The following GRIN2B variants were observed in gnomAD, a reference collection of about 807,000 sequenced individuals.
GRIN2B encodes glutamate receptor ionotropic, NMDA 2B.
Under a neutral mutation model 114.5 loss-of-function variants are expected in GRIN2B, and 5 were observed. That is an observed-to-expected ratio of 0.04 (90% CI 0.02 to 0.09). The LOEUF is 0.09. Ranked by LOEUF, GRIN2B falls within the 10% of genes least tolerant of loss-of-function variation. The probability of loss-of-function intolerance (pLI) is 1.00; values close to 1 mark genes in which losing one functional copy is unlikely to be tolerated. For synonymous variants in GRIN2B, 787 were observed against 745.1 expected, an observed-to-expected ratio of 1.06 and a Z score of -0.92; for missense variants, 1,108 against 1,943.5, an observed-to-expected ratio of 0.57 and a Z score of 8.08.
At chr12:13,956,179 G>T (rs918059996) in intron 2 of GRIN2B, among the ~76,000 whole-genome samples, 2 of 152,166 alleles carry the variant, frequency 1.3e-5, no homozygotes, top group Non-Finnish European at 1.5e-5. Context: ...GGCACTAAGT[G>T]TGTCAAGTGT....
intron 10 of GRIN2B, 24 bp from the exon 11 acceptor site, chr12:13,571,988 G>C (rs202051396): frequency 1.3e-5 from 21 of 1,581,196 alleles, no homozygotes; most frequent in Non-Finnish European, 1.8e-5. Context: ...GACAGATAGA[G>C]ACAGAGCGGG....
At chr12:13,582,090 C>T (rs1351483759) in intron 10 of GRIN2B, among the ~76,000 whole-genome samples, 1 of 152,170 alleles carries the variant, frequency 6.6e-6, no homozygotes. Context: ...TAAGGTATAG[C>T]ATCTCACTAC....
At chr12:13,647,322 T>C (rs2136513088) in intron 5 of GRIN2B, among the ~76,000 whole-genome samples, 1 of 152,204 alleles carries the variant, frequency 6.6e-6, no homozygotes, top group African/African-American at 2.4e-5. Flanking sequence ...GAGCTTTTGA[T>C]AATTTGAGTA....
intron 4 of GRIN2B, among the ~76,000 whole-genome samples, chr12:13,704,300 T>C (rs1178142270): frequency 1.3e-5 from 2 of 151,714 alleles, no homozygotes; most frequent in Non-Finnish European, 2.9e-5. Context: ...AAACTCTCAA[T>C]GAGAAAGGGA....
chr12:13,730,088 T>C (rs1384496861), intron 4 of GRIN2B, among the ~76,000 whole-genome samples: 1 of 151,118 alleles, frequency 6.6e-6, no homozygotes, highest in African/African-American at 2.4e-5. Context: ...TCGTGAAGCA[T>C]CCCCAGGCCA....
chr12:13,595,687 C>T (rs982298872), intron 10 of GRIN2B, among the ~76,000 whole-genome samples: 1 of 152,136 alleles, frequency 6.6e-6, no homozygotes, highest in East Asian at 1.9e-4. Context: ...AGCAGCCTCT[C>T]CTCATTAGCA....
chr12:13,943,966 C>A (rs558584213), intron 2 of GRIN2B, among the ~76,000 whole-genome samples: 1 of 152,146 alleles, frequency 6.6e-6, no homozygotes. Context: ...ACATAGTAGA[C>A]GCTCAATAAG....
At chr12:13,859,259 C>A (rs528448213) in intron 3 of GRIN2B, among the ~76,000 whole-genome samples, 4 of 152,272 alleles carry the variant, frequency 2.6e-5, no homozygotes, top group African/African-American at 9.6e-5. Flanking sequence ...TTTTAGACAC[C>A]ATCACGTCCC....
chr12:13,566,903 T>C, intron 13 of GRIN2B, 122 bp downstream of exon 13: 1 of 762,732 alleles, frequency 1.3e-6, no homozygotes, highest in Non-Finnish European at 2.4e-6. Context: ...ACATACATGA[T>C]GTGGTTTCTT....
chr12:13,855,354 G>A (rs1031402843), intron 3 of GRIN2B, among the ~76,000 whole-genome samples: 4 of 152,220 alleles, frequency 2.6e-5, no homozygotes, highest in Admixed American at 6.5e-5. Context: ...CACACAGTAA[G>A]TGGTGATAGA....
rs187082467 is a variant in GRIN2B, at chr12:13,796,401, G to A, written c.412-42486C>T. On this transcript the variant is annotated intron_variant, in intron 3 of 13. Coordinates refer to ENST00000609686, the MANE Select transcript of GRIN2B (RefSeq NM_000834.5). ...TTTTTAGTCTCACTTTGTGAGTCAG[G>A]GGGAAGAAGGCCAGAGGGCAGCATA... 4.6e-5 allele frequency among the ~76,000 whole-genome samples: 7 copies of A among 152,262 alleles called. No individual in the cohort carries two copies. In the South Asian group the frequency reaches 1.2e-3, roughly 27 times the overall value.
At chr12:13,811,357 GA>G (rs1244997487) in intron 3 of GRIN2B, among the ~76,000 whole-genome samples, 2 of 152,182 alleles carry the variant, frequency 1.3e-5, no homozygotes, top group African/African-American at 4.8e-5. Flanking sequence ...GCTGAGCCAG[GA>G]GGGTCGCTTG....
chr12:13,789,063 G>GTT (rs1864269801), intron 3 of GRIN2B, among the ~76,000 whole-genome samples: 1 of 122,230 alleles, frequency 8.2e-6, no homozygotes, highest in African/African-American at 2.8e-5. Context: ...TTCTTAAAGA[G>GTT]TCCTGGTTGT....
At chr12:13,862,808 C>T (rs1427691536) in intron 3 of GRIN2B, among the ~76,000 whole-genome samples, 1 of 152,146 alleles carries the variant, frequency 6.6e-6, no homozygotes, top group African/African-American at 2.4e-5. Flanking sequence ...CCAAACATTC[C>T]TCTGCATGGC....
chr12:13,747,836 G>A (rs936402778), intron 4 of GRIN2B, among the ~76,000 whole-genome samples: 10 of 152,140 alleles, frequency 6.6e-5, no homozygotes, highest in African/African-American at 1.9e-4. Context: ...AGCAGCTCTT[G>A]CCCATAATGC....
intron 2 of GRIN2B, among the ~76,000 whole-genome samples, chr12:13,968,533 G>T (rs549519781): frequency 6.6e-6 from 1 of 152,306 alleles, no homozygotes; most frequent in South Asian, 2.1e-4. Context: ...AAAGACCAGT[G>T]CCTCTCTCCT....
At chr12:13,619,841 A>T (rs913692481) in intron 5 of GRIN2B, among the ~76,000 whole-genome samples, 2 of 152,180 alleles carry the variant, frequency 1.3e-5, no homozygotes, top group Admixed American at 6.5e-5. Context: ...CTTGAAGCTG[A>T]GCAGTCTGAC....
intron 5 of GRIN2B, among the ~76,000 whole-genome samples, chr12:13,638,093 G>A (rs1340556524): frequency 1.3e-5 from 2 of 152,130 alleles, no homozygotes; most frequent in Non-Finnish European, 1.5e-5. Context: ...TGAGAGTTAT[G>A]TACTCCTTGA....
intron 2 of GRIN2B, among the ~76,000 whole-genome samples, chr12:13,948,651 G>T (rs1480181634): frequency 6.6e-6 from 1 of 152,138 alleles, no homozygotes; most frequent in Admixed American, 6.5e-5. Flanking sequence ...TCTGCAAGGA[G>T]CAACGGTACC....
Sources: allele counts gnomAD v4.1 joint callset (sites outside exome capture counted in the v4.1 genomes callset), GRCh38; gene constraint gnomAD v4.1.1; transcripts MANE v1.5; gene names NCBI Gene and HGNC (gene_info 2026-07-23, HGNC 2026-07-21).